HHAT: variants seen among roughly 807,000 people sequenced by gnomAD.
HHAT encodes hedgehog acyltransferase.
In HHAT, 47 loss-of-function variants were observed where a neutral mutation model predicts 70.8. The observed-to-expected ratio is 0.66, with a 90% CI of 0.53 to 0.85. The LOEUF (loss-of-function observed/expected upper bound fraction) is 0.85. Among genes scored for constraint, HHAT ranks in the 40% least tolerant of loss-of-function variants. The pLI, the probability that HHAT is intolerant of heterozygous loss-of-function variation, is 0.00. For missense variants in HHAT, 609 were observed against 604.8 expected, an observed-to-expected ratio of 1.01 and a Z score of -0.07; for synonymous variants, 228 against 247.6, an observed-to-expected ratio of 0.92 and a Z score of 0.74.
At chr1:210,346,298 G>C (rs1280526789) in intron 1 of HHAT, among the ~76,000 whole-genome samples, 1 of 152,086 alleles carries the variant, frequency 6.6e-6, no homozygotes, top group East Asian at 1.9e-4. Flanking sequence ...TTCTTCATGA[G>C]GCAAAGAGGT....
At chr1:210,342,390 C>T (rs544921632) in intron 1 of HHAT, among the ~76,000 whole-genome samples, 25 of 152,302 alleles carry the variant, frequency 1.6e-4, no homozygotes, top group Non-Finnish European at 3.5e-4. Context: ...TTTACAGTTC[C>T]GACCAGTATT....
At chr1:210,556,010 C>T (rs970206706) in intron 9 of HHAT, among the ~76,000 whole-genome samples, 12 of 152,110 alleles carry the variant, frequency 7.9e-5, no homozygotes, top group Non-Finnish European at 1.8e-4. Context: ...ACATGTCCTT[C>T]CCCAATTTTT....
At position 210,674,672 on chromosome 1, in the gene HHAT, C is replaced by A. The variant is rs957405433; in HGVS notation, c.*293C>A. On this transcript the variant is annotated 3_prime_UTR_variant, in exon 12 of 12. Transcript: ENST00000261458. ...ACAGGGTGACATTTTGGTCTAGAAC[C>A]TAGTCTCATGAGCCCTTTGCATTCT... 1 of 333,678 alleles carries A rather than the reference C, an allele frequency of 3.0e-6. No homozygotes were observed. Among genetic ancestry groups the A allele is most frequent in the Admixed American group, 4.6e-5 (1 of 21,602 alleles). The allele number at this position is 333,678 out of a possible 1,614,324, so 20.7% of individuals were successfully genotyped here. A position where few individuals can be genotyped will look rare whatever the true frequency, so the allele number is the denominator to read the frequency against.
At chr1:210,327,891 A>C (rs1430618543), upstream of HHAT, among the ~76,000 whole-genome samples, 3 of 152,202 alleles carry the variant, frequency 2.0e-5, no homozygotes, top group African/African-American at 7.2e-5. Flanking sequence ...ACACCTGCTT[A>C]CTGAACACCA....
intron 4 of HHAT, among the ~76,000 whole-genome samples, chr1:210,399,954 A>C (rs895677500): frequency 6.6e-6 from 1 of 152,216 alleles, no homozygotes; most frequent in Non-Finnish European, 1.5e-5. Flanking sequence ...ATGCAAAAAA[A>C]CCCTACATAT....
At chr1:210,453,454 T>G (rs2093796257) in intron 7 of HHAT, among the ~76,000 whole-genome samples, 1 of 152,186 alleles carries the variant, frequency 6.6e-6, no homozygotes, top group South Asian at 2.1e-4. Flanking sequence ...GATGTGCTGT[T>G]ATAAATATAT....
intron 10 of HHAT, among the ~76,000 whole-genome samples, chr1:210,599,248 T>A (rs1663696982): frequency 6.6e-6 from 1 of 152,222 alleles, no homozygotes; most frequent in South Asian, 2.1e-4. Flanking sequence ...ATATGGCTAA[T>A]GGCTAACATT....
chr1:210,623,574 GCTT>G lies in HHAT; in HGVS notation c.1298_1300del (p.Ser433del). The G allele has an allele frequency of 6.2e-7, 1 of 1,614,008 alleles. No individual in the cohort carries two copies. Among genetic ancestry groups the G allele is most frequent in the African/African-American group, 1.3e-5 (1 of 75,008 alleles). The stretch of plus-strand genomic sequence containing the variant: ...TCGCCGTCGATTCCACGCTGCCCTT[GCTT>G]CTTGTTCCACCTCGATGCTGATCCT... On this transcript the variant is annotated inframe_deletion, in exon 11 of 12. Transcript: ENST00000261458.
chr1:210,334,212 C>CCTGTGTT (rs1426020503), intron 1 of HHAT, among the ~76,000 whole-genome samples: 1 of 60,028 alleles, frequency 1.7e-5, no homozygotes, highest in African/African-American at 6.1e-5. Flanking sequence ...AAAGGGTCTT[C>CCTGTGTT]CTGTGTTTCC....
intron 10 of HHAT, among the ~76,000 whole-genome samples, chr1:210,605,084 C>G (rs760661563): frequency 7.9e-5 from 12 of 152,142 alleles, no homozygotes; most frequent in Non-Finnish European, 1.6e-4. Flanking sequence ...CCAGAACAAA[C>G]TAGGGCTGTT....
At chr1:210,422,996 A>C (rs531590040) in intron 7 of HHAT, among the ~76,000 whole-genome samples, 1 of 152,294 alleles carries the variant, frequency 6.6e-6, no homozygotes, top group Admixed American at 6.5e-5. Flanking sequence ...TTGATTACAT[A>C]TCTTGGCTGT....
chr1:210,436,718 A>G (rs1164417542), intron 7 of HHAT, among the ~76,000 whole-genome samples: 1 of 151,810 alleles, frequency 6.6e-6, no homozygotes, highest in African/African-American at 2.4e-5. Flanking sequence ...TGGCAATACT[A>G]GGTGATACCC....
At chr1:210,351,985 G>A (rs2087070818) in intron 2 of HHAT, among the ~76,000 whole-genome samples, 1 of 152,118 alleles carries the variant, frequency 6.6e-6, no homozygotes, top group Non-Finnish European at 1.5e-5. Flanking sequence ...TCTATAATGG[G>A]TGTTATACTT....
chr1:210,565,021 A>G (rs765738312), intron 9 of HHAT, among the ~76,000 whole-genome samples: 24 of 152,200 alleles, frequency 1.6e-4, no homozygotes, highest in Non-Finnish European at 2.4e-4. Flanking sequence ...TCTTTAGGTT[A>G]AGGAAAGAAC....
chr1:210,328,858 C>G (rs533281842), upstream of HHAT: 1 of 450,716 alleles, frequency 2.2e-6, no homozygotes, highest in Non-Finnish European at 3.6e-6. Context: ...CGCCATCGCC[C>G]GGAGAGCGCC....
intron 9 of HHAT, among the ~76,000 whole-genome samples, chr1:210,514,402 G>A (rs1409286982): frequency 6.6e-6 from 1 of 152,226 alleles, no homozygotes; most frequent in Non-Finnish European, 1.5e-5. Flanking sequence ...TCATGGGAAA[G>A]CAGGCATGAA....
chr1:210,535,929 C>A (rs762757363), intron 9 of HHAT, among the ~76,000 whole-genome samples: 3 of 152,100 alleles, frequency 2.0e-5, no homozygotes, highest in Non-Finnish European at 4.4e-5. Flanking sequence ...GAGCAGCTTG[C>A]GGATGCTCAA....
chr1:210,374,211 C>T (rs1051331974), intron 3 of HHAT: 1 of 152,112 alleles, frequency 6.6e-6, no homozygotes, highest in Admixed American at 6.5e-5. Context: ...TGTTTCTCTC[C>T]ACGGAAATCT....
At chr1:210,424,916 A>G (rs940054918) in intron 7 of HHAT, among the ~76,000 whole-genome samples, 10 of 152,186 alleles carry the variant, frequency 6.6e-5, no homozygotes, top group African/African-American at 2.4e-4. Flanking sequence ...TCTTTCAGGA[A>G]TTGCCACACT....
Sources: gnomAD v4.1 joint callset for allele counts (sites outside exome capture counted in the v4.1 genomes callset) on GRCh38, gnomAD v4.1.1 for gene constraint, MANE v1.5 for transcripts, NCBI Gene and HGNC (gene_info 2026-07-23, HGNC 2026-07-21) for gene names.